STK3: variants seen among roughly 807,000 people sequenced by gnomAD.
STK3 encodes serine/threonine-protein kinase 3.
STK3 carries 41 observed loss-of-function variants against 58.0 expected under a neutral mutation model. The observed-to-expected ratio is 0.71, with a 90% confidence interval of 0.55 to 0.92. The LOEUF is 0.92. STK3 is among the 40% of genes least tolerant of loss of function. The pLI is 0.00. For synonymous variants in STK3, 170 were observed against 191.0 expected (o/e 0.89, Z 0.91); for missense variants, 479 against 602.7 (o/e 0.79, Z 2.15).
At chr8:98,802,982 A>G (rs1358809337) in intron 1 of STK3, among the ~76,000 whole-genome samples, 3 of 152,190 alleles carry the variant, frequency 2.0e-5, no homozygotes, top group African/African-American at 7.2e-5. Context: ...CAGCACAAAA[A>G]ACTGTACCTG....
intron 3 of STK3, among the ~76,000 whole-genome samples, chr8:98,764,664 G>A (rs751868884): frequency 6.6e-6 from 1 of 152,194 alleles, no homozygotes; most frequent in Non-Finnish European, 1.5e-5. Flanking sequence ...GTCTAGTTGA[G>A]TTGCCCAAAC....
intron 6 of STK3, among the ~76,000 whole-genome samples, chr8:98,626,555 G>C (rs1038970978): frequency 6.6e-6 from 1 of 152,126 alleles, no homozygotes; most frequent in Non-Finnish European, 1.5e-5. Flanking sequence ...ACAGAAAAAA[G>C]GCCCTGCTTT....
rs542711842 is a variant in STK3, at chr8:98,700,552, C to T, written c.684+5915G>A. ...CAATAATTCTTAATTTACTCTTAAA[C>T]AGAGATTGTCATGCTTTATGTGAGT... On this transcript the variant is annotated intron_variant, in intron 6 of 10. Transcript: ENST00000419617. Among the ~76,000 whole-genome samples the T allele has an allele frequency of 5.9e-5, 9 of 152,290 alleles. No individual in the cohort carries two copies. In the East Asian group the frequency reaches 1.5e-3, roughly 26 times the overall value.
intron 1 of STK3, among the ~76,000 whole-genome samples, chr8:98,812,649 A>G (rs1834300881): frequency 6.6e-6 from 1 of 152,266 alleles, no homozygotes; most frequent in Non-Finnish European, 1.5e-5. Flanking sequence ...ATGTCCATCA[A>G]TGACAGACTG....
chr8:98,714,180 A>G (rs1444861817), intron 4 of STK3, among the ~76,000 whole-genome samples: 1 of 152,220 alleles, frequency 6.6e-6, no homozygotes. Flanking sequence ...ATCATACTGA[A>G]TGGGCAAAAA....
chr8:98,511,663 A>C (rs929617748), intron 10 of STK3, among the ~76,000 whole-genome samples: 4 of 152,124 alleles, frequency 2.6e-5, no homozygotes, highest in East Asian at 1.9e-4. Flanking sequence ...TGGGTGTATA[A>C]ATACCATCCA....
At chr8:98,810,651 C>T (rs1834161196) in intron 1 of STK3, among the ~76,000 whole-genome samples, 1 of 152,186 alleles carries the variant, frequency 6.6e-6, no homozygotes, top group Admixed American at 6.5e-5. Flanking sequence ...AAGAGAGACA[C>T]AGAGGAAAGC....
At chr8:98,821,547 C>A (rs190545770) in intron 1 of STK3, among the ~76,000 whole-genome samples, 1 of 150,744 alleles carries the variant, frequency 6.6e-6, no homozygotes, top group East Asian at 1.9e-4. Context: ...GTGGTCCCAG[C>A]TAATCAGGGA....
chr8:98,556,412 T>C (rs1811592959), intron 8 of STK3, among the ~76,000 whole-genome samples: 1 of 151,768 alleles, frequency 6.6e-6, no homozygotes, highest in Non-Finnish European at 1.5e-5. Flanking sequence ...TGAGAATGGG[T>C]AGAAAGAACA....
chr8:98,937,063 C>A (rs1461393143), intron 1 of STK3, among the ~76,000 whole-genome samples: 7 of 152,218 alleles, frequency 4.6e-5, no homozygotes, highest in African/African-American at 1.7e-4. Flanking sequence ...GATAACAGAG[C>A]TCATCACTTC....
chr8:98,890,350 C>T (rs2131921316), intron 1 of STK3, among the ~76,000 whole-genome samples: 1 of 152,336 alleles, frequency 6.6e-6, no homozygotes, highest in Admixed American at 6.5e-5. Flanking sequence ...TTCATGTCTT[C>T]GTAGCCTAAG....
At chr8:98,457,195 A>C (rs1234496733) in intron 10 of STK3, among the ~76,000 whole-genome samples, 1 of 152,262 alleles carries the variant, frequency 6.6e-6, no homozygotes, top group Admixed American at 6.5e-5. Flanking sequence ...CATAAAACAT[A>C]CATTTATATA....
chr8:98,556,971 GAATAA>G lies in STK3; in HGVS notation c.949-8815_949-8811del, dbSNP rs1811636648. Among the ~76,000 whole-genome samples the G allele has an allele frequency of 2.0e-5, 3 of 152,124 alleles. No individual in the cohort carries two copies. The East Asian group carries it at 5.8e-4, about 29-fold the overall frequency. On this transcript the variant is annotated intron_variant, in intron 8 of 10. Coordinates refer to ENST00000419617, the MANE Select transcript of STK3 (RefSeq NM_006281.4). Reference sequence around the variant, plus strand: ...AGAAAGTTGAGAGAGATTTTAATTTGAATAAAATAGGTAACACCAGTTATTTGTAA... The same window carrying G: ...AGAAAGTTGAGAGAGATTTTAATTTGAATAGGTAACACCAGTTATTTGTAA...
At chr8:98,703,655 A>T (rs1402703300) in intron 6 of STK3, among the ~76,000 whole-genome samples, 2 of 152,024 alleles carry the variant, frequency 1.3e-5, no homozygotes, top group African/African-American at 4.8e-5. Flanking sequence ...TAACCCCTTG[A>T]ACTGTCTCTC....
At chr8:98,823,035 A>G (rs941506800) in intron 1 of STK3, among the ~76,000 whole-genome samples, 6 of 152,238 alleles carry the variant, frequency 3.9e-5, no homozygotes, top group African/African-American at 1.2e-4. Flanking sequence ...CACTGGACTA[A>G]AGCGTCCAGC....
intron 6 of STK3, among the ~76,000 whole-genome samples, chr8:98,690,153 T>C (rs1587303924): frequency 6.6e-6 from 1 of 152,138 alleles, no homozygotes; most frequent in Admixed American, 6.5e-5. Flanking sequence ...ATGTCCACTC[T>C]TACCATTCCT....
intron 1 of STK3, among the ~76,000 whole-genome samples, chr8:98,384,786 C>T (rs985168837): frequency 3.3e-5 from 5 of 152,200 alleles, no homozygotes; most frequent in African/African-American, 1.2e-4. Context: ...TCTGCTTGGG[C>T]AGCTCCAGAT....
At chr8:98,934,444 C>A (rs991794771) in intron 1 of STK3, among the ~76,000 whole-genome samples, 1 of 152,154 alleles carries the variant, frequency 6.6e-6, no homozygotes, top group African/African-American at 2.4e-5. Context: ...AAGAAAGCTG[C>A]ATATCGGAAG....
intron 6 of STK3, among the ~76,000 whole-genome samples, chr8:98,604,566 C>G (rs1302506967): frequency 6.6e-6 from 1 of 152,194 alleles, no homozygotes; most frequent in African/African-American, 2.4e-5. Flanking sequence ...AGTAGAGGTT[C>G]TCATGAAAGC....
Sources: allele counts gnomAD v4.1 joint callset (sites outside exome capture counted in the v4.1 genomes callset), GRCh38; gene constraint gnomAD v4.1.1; transcripts MANE v1.5; gene names NCBI Gene and HGNC (gene_info 2026-07-23, HGNC 2026-07-21).